The following COL25A1 variants were observed in gnomAD, a reference collection of about 807,000 sequenced individuals.
COL25A1 encodes collagen type XXV alpha 1 chain.
COL25A1 carries 103 observed loss-of-function variants against 128.4 expected under a neutral mutation model. The observed-to-expected ratio is 0.80, with a 90% CI of 0.68 to 0.94. The LOEUF is 0.94. COL25A1 is among the 40% of genes least tolerant of loss of function. The pLI, the probability that COL25A1 is intolerant of heterozygous loss-of-function variation, is 0.00. For synonymous variants in COL25A1, 279 were observed against 277.2 expected, an observed-to-expected ratio of 1.01 and a Z score of -0.06; for missense variants, 745 against 840.0, an observed-to-expected ratio of 0.89 and a Z score of 1.40.
At chr4:109,256,431 T>C (rs1781093512) in intron 3 of COL25A1, among the ~76,000 whole-genome samples, 1 of 152,174 alleles carries the variant, frequency 6.6e-6, no homozygotes, top group Non-Finnish European at 1.5e-5. Context: ...TACAGGCTCC[T>C]AACGCAGCCA....
chr4:108,829,387 GTATCTATC>G (rs34296727), intron 32 of COL25A1, among the ~76,000 whole-genome samples: 42,208 of 147,400 alleles, frequency 0.29, 6,030 homozygotes, highest in South Asian at 0.35. Flanking sequence ...GTGTAAGTGT[GTATCTATC>G]TATCTATCTA....
intron 3 of COL25A1, among the ~76,000 whole-genome samples, chr4:109,289,031 C>T (rs1252443009): frequency 6.7e-6 from 1 of 148,808 alleles, no homozygotes; most frequent in Non-Finnish European, 1.5e-5. Flanking sequence ...TTTTGCTTAC[C>T]TAAAGAACTG....
intron 3 of COL25A1, among the ~76,000 whole-genome samples, chr4:109,138,733 A>G (rs763738313): frequency 1.9e-4 from 28 of 151,166 alleles, no homozygotes; most frequent in Non-Finnish European, 3.1e-4. Context: ...TTTGAGACAG[A>G]GTCTTGCTCT....
chr4:109,289,269 C>T (rs375601556), intron 3 of COL25A1, among the ~76,000 whole-genome samples: 63 of 152,046 alleles, frequency 4.1e-4, no homozygotes, highest in African/African-American at 1.4e-3. Context: ...CGTTTTGCCT[C>T]CCTTTGTACA....
At chr4:109,254,701 G>A (rs1028080804) in intron 3 of COL25A1, among the ~76,000 whole-genome samples, 4 of 151,328 alleles carry the variant, frequency 2.6e-5, no homozygotes, top group Admixed American at 2.6e-4. Context: ...TGGTTAAATT[G>A]AGCTGAATTT....
At chr4:109,075,347 A>G (rs1431298047) in intron 3 of COL25A1, among the ~76,000 whole-genome samples, 1 of 152,110 alleles carries the variant, frequency 6.6e-6, no homozygotes, top group African/African-American at 2.4e-5. Context: ...TTAAAATTGG[A>G]AGTGTTTTAT....
chr4:109,086,224 C>A (rs565606477), intron 3 of COL25A1, among the ~76,000 whole-genome samples: 81 of 152,272 alleles, frequency 5.3e-4, no homozygotes, highest in Non-Finnish European at 1.1e-3. Flanking sequence ...CAAATTTGAA[C>A]CTTTCACTAT....
chr4:109,292,375 G>A (rs1180784846), intron 3 of COL25A1, among the ~76,000 whole-genome samples: 1 of 152,052 alleles, frequency 6.6e-6, no homozygotes. Flanking sequence ...AGTTCTCAGA[G>A]AAAATGTTTA....
At chr4:109,008,120 A>T (rs1465239179) in intron 6 of COL25A1, among the ~76,000 whole-genome samples, 1 of 152,208 alleles carries the variant, frequency 6.6e-6, no homozygotes. Context: ...CCTGCCCACC[A>T]CTATCTGCTC....
intron 8 of COL25A1, among the ~76,000 whole-genome samples, chr4:108,945,199 T>C (rs538407060): frequency 2.2e-4 from 34 of 152,344 alleles, no homozygotes; most frequent in African/African-American, 7.9e-4. Flanking sequence ...TCGATATATA[T>C]TATAGGGTTT....
chr4:109,108,688 CCTCT>C (rs141641304), intron 3 of COL25A1, among the ~76,000 whole-genome samples: 32,148 of 151,876 alleles, frequency 0.21, 4,027 homozygotes, highest in East Asian at 0.39. Context: ...ATTAATAACT[CCTCT>C]CTCTTTCTCC....
chr4:109,089,494 A>G (rs180850809), intron 3 of COL25A1, among the ~76,000 whole-genome samples: 12 of 152,350 alleles, frequency 7.9e-5, no homozygotes, highest in Admixed American at 4.6e-4. Flanking sequence ...TTTCCATAAC[A>G]CAAAGGTCAA....
At chr4:109,093,479 T>G (rs1350829609) in intron 3 of COL25A1, among the ~76,000 whole-genome samples, 1 of 120,426 alleles carries the variant, frequency 8.3e-6, no homozygotes, top group Non-Finnish European at 1.7e-5. Flanking sequence ...AAAAAAAACC[T>G]TTTTTAAATT....
intron 3 of COL25A1, among the ~76,000 whole-genome samples, chr4:109,207,420 C>T (rs2126190472): frequency 6.6e-6 from 1 of 152,076 alleles, no homozygotes; most frequent in Non-Finnish European, 1.5e-5. Flanking sequence ...GCAAGAGGAT[C>T]ACTGAGGTCT....
chr4:109,032,774 G>A (rs569155565), intron 5 of COL25A1, among the ~76,000 whole-genome samples: 7 of 152,204 alleles, frequency 4.6e-5, no homozygotes, highest in East Asian at 1.9e-4. Context: ...GATGAGGCTC[G>A]GCAGGTTCTT....
chr4:108,915,078 C>T (rs1744711919), intron 13 of COL25A1, among the ~76,000 whole-genome samples: 1 of 152,068 alleles, frequency 6.6e-6, no homozygotes, highest in African/African-American at 2.4e-5. Context: ...GTTCTGTAGC[C>T]CTTCATAGGT....
intron 3 of COL25A1, among the ~76,000 whole-genome samples, chr4:109,212,009 C>G (rs1487717435): frequency 6.6e-6 from 1 of 152,046 alleles, no homozygotes; most frequent in Non-Finnish European, 1.5e-5. Flanking sequence ...TCTCAGTTTC[C>G]TCATCTATAA....
At position 108,809,747 on chromosome 4, in the gene COL25A1, C is replaced by G. The variant is rs1009075468; in HGVS notation, c.*4180G>C. ...AAATCTAGCCAATATAAAGATATCCCAAGAAAAATGGGAAGAAGTAGGGAC... is the reference window on the plus strand; with the variant it reads ...AAATCTAGCCAATATAAAGATATCCGAAGAAAAATGGGAAGAAGTAGGGAC... On this transcript the variant is annotated 3_prime_UTR_variant, in exon 38 of 38. Coordinates refer to ENST00000399132, the MANE Select transcript of COL25A1 (RefSeq NM_198721.4). 6.6e-6 allele frequency: 1 copy of G among 151,918 alleles called. No homozygotes were observed. Among genetic ancestry groups the G allele is most frequent in the African/African-American group, 2.4e-5 (1 of 41,398 alleles). The allele number at this position is 151,918 out of a possible 1,614,324, so 9.4% of individuals were successfully genotyped here.
chr4:109,250,882 T>C (rs1035958171), intron 3 of COL25A1, among the ~76,000 whole-genome samples: 2 of 152,176 alleles, frequency 1.3e-5, no homozygotes, highest in African/African-American at 2.4e-5. Context: ...TCTTAAACCA[T>C]ACTTAATCTC....
Sources: gnomAD v4.1 joint callset for allele counts (sites outside exome capture counted in the v4.1 genomes callset) on GRCh38, gnomAD v4.1.1 for gene constraint, MANE v1.5 for transcripts, NCBI Gene and HGNC (gene_info 2026-07-23, HGNC 2026-07-21) for gene names.